Variants in CREBL2 observed in about 807,000 individuals in gnomAD.
The protein encoded by CREBL2 is cAMP responsive element binding protein like 2, also known as cAMP-responsive element-binding protein-like 2.
Under a neutral mutation model 19.5 loss-of-function variants are expected in CREBL2, and 4 were observed. The observed-to-expected ratio is 0.20, with a 90% CI of 0.10 to 0.47. CREBL2 has a LOEUF of 0.47. Ranked by LOEUF, CREBL2 falls within the 20% of genes least tolerant of loss-of-function variation. The pLI, the probability that CREBL2 is intolerant of heterozygous loss-of-function variation, is 0.98. For missense variants in CREBL2, 85 were observed against 145.1 expected (o/e 0.59, Z 2.13); for synonymous variants, 42 against 46.6 (o/e 0.90, Z 0.40).
intron 1 of CREBL2, among the ~76,000 whole-genome samples, chr12:12,616,248 C>A (rs1945310723): frequency 6.6e-6 from 1 of 152,122 alleles, no homozygotes; most frequent in Non-Finnish European, 1.5e-5. Flanking sequence ...GGCTACTTAG[C>A]TGTAAGATCA....
In CREBL2 at chr12:12,627,589, GT is replaced by G. The variant is rs1210036278; in HGVS notation, c.16-8187del. Among the ~76,000 whole-genome samples, 11 of 152,272 alleles carry G rather than the reference GT, an allele frequency of 7.2e-5. No individual in the cohort carries two copies. The East Asian group carries it at 7.7e-4, about 11-fold the overall frequency. Reference sequence around the variant, plus strand: ...TTTTATAGCTGAATAATGTTCCATTGTATGGATATACTACTTTTTGTTATCT... The same window carrying G: ...TTTTATAGCTGAATAATGTTCCATTGATGGATATACTACTTTTTGTTATCT... On this transcript the variant is annotated intron_variant, in intron 1 of 3. Transcript: ENST00000228865.
Position 12,642,168 on chromosome 12 carries a change from G to T in CREBL2, c.*170G>T, listed in dbSNP as rs551337773. On this transcript the variant is annotated 3_prime_UTR_variant, in exon 4 of 4. Coordinates refer to ENST00000228865, the MANE Select transcript of CREBL2 (RefSeq NM_001310.4). ...GTGATCGTAGATCTCAAAGGATCTT[G>T]CTTTAACTTTCAACACTTAGAAAAT... The T allele has an allele frequency of 6.0e-4, 263 of 437,710 alleles. 1 individual carries two copies. Among genetic ancestry groups the T allele is most frequent in the African/African-American group, 4.6e-3 (227 of 49,116 alleles). The allele number at this position is 437,710 out of a possible 1,614,324, so 27.1% of individuals were successfully genotyped here. A position where few individuals can be genotyped will look rare whatever the true frequency, so the allele number is the denominator to read the frequency against.
chr12:12,622,310 C>T (rs1012121406), intron 1 of CREBL2, among the ~76,000 whole-genome samples: 4 of 152,036 alleles, frequency 2.6e-5, no homozygotes, highest in Admixed American at 6.6e-5. Context: ...GCAGTTGATG[C>T]GGCGTGCATA....
intron 1 of CREBL2, among the ~76,000 whole-genome samples, chr12:12,627,163 G>A (rs1324432721): frequency 1.3e-5 from 2 of 152,098 alleles, no homozygotes; most frequent in Non-Finnish European, 2.9e-5. Context: ...GAACTCTAAT[G>A]TAAACTGTGG....
At chr12:12,619,162 C>T (rs772319288) in intron 1 of CREBL2, among the ~76,000 whole-genome samples, 9 of 152,148 alleles carry the variant, frequency 5.9e-5, no homozygotes, top group Non-Finnish European at 1.0e-4. Flanking sequence ...CTACACTACC[C>T]TTTGCTCCAG....
At chr12:12,614,803 G>T in intron 1 of CREBL2, 1 of 384,676 alleles carries the variant, frequency 2.6e-6, no homozygotes, top group East Asian at 7.5e-5. Flanking sequence ...ACAGAATGCT[G>T]GGTAACATTG....
chr12:12,633,239 A>T lies in CREBL2; in HGVS notation c.16-2538A>T, dbSNP rs138906614. ...GGTGTGAGCCACCACACCCAGCTAG[A>T]TGTATATTGTTATAATGTAATAAAA... is the stretch of plus-strand genomic sequence containing the variant. On this transcript the variant is annotated intron_variant, in intron 1 of 3. Coordinates refer to ENST00000228865, the MANE Select transcript of CREBL2 (RefSeq NM_001310.4). 1.5e-3 allele frequency among the ~76,000 whole-genome samples: 235 copies of T among 151,660 alleles called. 5 individuals are homozygous for T. Among genetic ancestry groups the T allele is most frequent in the East Asian group, 0.013 (66 of 5,104 alleles).
intron 3 of CREBL2, 101 bp from the exon 4 acceptor site, chr12:12,641,893 A>G: frequency 1.7e-6 from 1 of 590,528 alleles, no homozygotes; most frequent in Non-Finnish European, 2.8e-6. Context: ...GCCTTACTGA[A>G]GATACTAAAC....
intron 1 of CREBL2, among the ~76,000 whole-genome samples, chr12:12,615,255 T>C (rs566722992): frequency 6.6e-6 from 1 of 152,290 alleles, no homozygotes; most frequent in South Asian, 2.1e-4. Context: ...TTTTGCCATG[T>C]TGGCCAGGCT....
rs1945544569 is a variant in CREBL2, at chr12:12,643,744, G to A, written c.*1746G>A. On this transcript the variant is annotated 3_prime_UTR_variant, in exon 4 of 4. Transcript: ENST00000228865. ...CTAGCCCAGTTTGCTGGGTCTCTAT[G>A]TTTTGGAAGTTGGGGGTTTAATAAT... 6.6e-6 allele frequency: 1 copy of A among 152,166 alleles called. No homozygotes were observed. Among genetic ancestry groups the A allele is most frequent in the Admixed American group, 6.5e-5 (1 of 15,278 alleles). 9.4% of individuals were successfully genotyped at this position (152,166 alleles called of 1,614,324 possible). A position where few individuals can be genotyped will look rare whatever the true frequency, so the allele number is the denominator to read the frequency against.
Position 12,637,709 on chromosome 12 carries a change from A to G in CREBL2, c.353A>G (p.Asn118Ser), listed in dbSNP as rs1228359475. Reference sequence around the variant, plus strand: ...GCTGGGAAGACAGATGCTAATAGCAATTCCTGTAAGTGCCATCAATGGGAG... The same window carrying G: ...GCTGGGAAGACAGATGCTAATAGCAGTTCCTGTAAGTGCCATCAATGGGAG... Reference protein sequence around the residue: ...TKAGKTDANSNSW With the variant: ...TKAGKTDANSSSW Residue 118 changes from asparagine to serine, a missense_variant, in exon 3 of 4, where the codon AAT (asparagine) becomes AGT (serine). By Grantham distance (46) the Asn-to-Ser change is conservative (BLOSUM62 1). Coordinates refer to ENST00000228865, the MANE Select transcript of CREBL2 (RefSeq NM_001310.4). The G allele has an allele frequency of 3.1e-6, 5 of 1,609,680 alleles. No individual in the cohort carries two copies. Among genetic ancestry groups the G allele is most frequent in the South Asian group, 2.2e-5 (2 of 90,874 alleles).
rs1175395319 is a variant in CREBL2 at position 12,642,477 on chromosome 12, A to G, written c.*479A>G. 2 of 152,972 alleles carry G rather than the reference A, an allele frequency of 1.3e-5. No individual in the cohort carries two copies. The highest frequency in any genetic ancestry group is 4.8e-5 in the African/African-American group (2 of 41,458). The allele number at this position is 152,972 out of a possible 1,614,324, so 9.5% of individuals were successfully genotyped here. ...TAAGTTCTCAGCCTTTATGGACCTA[A>G]TCTTATTTTTATTTACTTGAGTAAT... On this transcript the variant is annotated 3_prime_UTR_variant, in exon 4 of 4. Transcript: ENST00000228865.
At chr12:12,620,240 T>C (rs1945349492) in intron 1 of CREBL2, among the ~76,000 whole-genome samples, 1 of 50,090 alleles carries the variant, frequency 2.0e-5, no homozygotes, top group Admixed American at 1.7e-4. Context: ...TCTTTTCTTT[T>C]TCTTTTTTTT....
chr12:12,633,951 A>C (rs1945457720), intron 1 of CREBL2, among the ~76,000 whole-genome samples: 1 of 152,262 alleles, frequency 6.6e-6, no homozygotes, highest in African/African-American at 2.4e-5. Context: ...CTGTCAGGAC[A>C]CTAAAGATAT....
rs1348894318 is a variant in CREBL2, at chr12:12,618,537, A to C, written c.15+6350A>C. On this transcript the variant is annotated intron_variant, in intron 1 of 3. Transcript: ENST00000228865. ...TGGCGGCCGGGAAGAGGCGCTCCTC[A>C]CTTCCCAGACTGGGCGGCCGGGCAG... Among the ~76,000 whole-genome samples, 2 of 148,532 alleles carry C rather than the reference A, an allele frequency of 1.3e-5. 1 individual carries two copies. Among genetic ancestry groups the C allele is most frequent in the Middle Eastern group, 6.6e-3 (2 of 304 alleles).
chr12:12,637,948 G>T (rs1444022770), intron 3 of CREBL2, among the ~76,000 whole-genome samples: 5 of 151,982 alleles, frequency 3.3e-5, no homozygotes, highest in South Asian at 4.2e-4. Context: ...AGACTGAGGT[G>T]GGAGGATCAC....
At chr12:12,620,139 C>T (rs1945348788) in intron 1 of CREBL2, among the ~76,000 whole-genome samples, 1 of 152,216 alleles carries the variant, frequency 6.6e-6, no homozygotes. Flanking sequence ...CTCTTACTCA[C>T]ATCAACACTT....
intron 1 of CREBL2, among the ~76,000 whole-genome samples, chr12:12,624,100 G>C (rs570305364): frequency 2.0e-5 from 3 of 152,288 alleles, no homozygotes; most frequent in Admixed American, 2.0e-4. Flanking sequence ...CCACATTTGT[G>C]GTAATTTGTT....
intron 1 of CREBL2, among the ~76,000 whole-genome samples, chr12:12,628,955 C>T (rs562751805): frequency 1.6e-4 from 24 of 152,328 alleles, no homozygotes; most frequent in African/African-American, 5.8e-4. Flanking sequence ...TTTCTGGATT[C>T]TCTATGCTTT....
Sources: allele counts gnomAD v4.1 joint callset (sites outside exome capture counted in the v4.1 genomes callset), GRCh38; gene constraint gnomAD v4.1.1; transcripts MANE v1.5; gene names NCBI Gene and HGNC (gene_info 2026-07-23, HGNC 2026-07-21).